Variants in NLGN4X observed in about 807,000 individuals in gnomAD.
NLGN4X encodes neuroligin-4, X-linked.
NLGN4X carries 3 observed loss-of-function variants against 40.3 expected under a neutral mutation model. The observed-to-expected ratio is 0.07, with a 90% CI of 0.03 to 0.19. The LOEUF (loss-of-function observed/expected upper bound fraction) is 0.19. Ranked by LOEUF, NLGN4X falls within the 10% of genes least tolerant of loss-of-function variation. The pLI, the probability that NLGN4X is intolerant of heterozygous loss-of-function variation, is 1.00. For missense variants in NLGN4X, 382 were observed against 708.3 expected (o/e 0.54, Z 5.23); for synonymous variants, 270 against 306.8 (o/e 0.88, Z 1.25).
intron 2 of NLGN4X, among the ~76,000 whole-genome samples, chrX:6,070,253 T>C (rs960061299): frequency 9.0e-6 from 1 of 110,962 alleles, no homozygotes; most frequent in African/African-American, 3.3e-5. Flanking sequence ...TGTTTCCACG[T>C]TAGCAGGTGA....
Position 5,989,085 on chromosome X carries a change from AAAAAAAAT to A in NLGN4X, c.625+40187_625+40194del, listed in dbSNP as rs2035609726. Among the ~76,000 whole-genome samples the A allele has an allele frequency of 6.5e-5, 6 of 92,984 alleles. No homozygotes were observed. In the South Asian group the frequency reaches 2.8e-3, roughly 43 times the overall value. 80.7% of individuals were successfully genotyped at this position (92,984 alleles called of 115,157 possible). ...TCTGTCTCAAAAAAATAAAAAAAATAAAAAAAATAAAAAAAAAAATAAAAAAGAGTTAG... is the reference window on the plus strand; with the variant it reads ...TCTGTCTCAAAAAAATAAAAAAAATAAAAAAAAAAAATAAAAAAGAGTTAG... On this transcript the variant is annotated intron_variant, in intron 3 of 5. Coordinates refer to ENST00000381095, the MANE Select transcript of NLGN4X (RefSeq NM_181332.3).
At chrX:6,187,979 A>C (rs1034485151) in intron 1 of NLGN4X, among the ~76,000 whole-genome samples, 1 of 112,464 alleles carries the variant, frequency 8.9e-6, no homozygotes, top group Non-Finnish European at 1.9e-5. Context: ...ATAAACAACA[A>C]AATATATTTA....
chrX:6,114,136 A>G (rs1003860046), intron 2 of NLGN4X, among the ~76,000 whole-genome samples: 3 of 111,516 alleles, frequency 2.7e-5, no homozygotes, highest in Non-Finnish European at 5.6e-5. Context: ...TGTTAAACCA[A>G]TAAGTCTTAA....
intron 3 of NLGN4X, among the ~76,000 whole-genome samples, chrX:6,027,652 GAA>G (rs34369385): frequency 1.0e-5 from 1 of 99,487 alleles, no homozygotes; most frequent in Non-Finnish European, 2.0e-5. Flanking sequence ...TTTCACATAG[GAA>G]AAAAAAAAAC....
At chrX:6,187,481 A>C (rs1009103138) in intron 1 of NLGN4X, 4 of 111,589 alleles carry the variant, frequency 3.6e-5, no homozygotes, top group African/African-American at 1.3e-4. Flanking sequence ...ACATTTCCGC[A>C]CCCGATGCCC....
intron 2 of NLGN4X, among the ~76,000 whole-genome samples, chrX:6,038,612 C>T (rs1468374847): frequency 1.8e-5 from 2 of 112,527 alleles, no homozygotes; most frequent in African/African-American, 6.5e-5. Context: ...CCATAGCTGA[C>T]CTATGGCTTC....
chrX:6,059,279 C>G (rs2037712131), intron 2 of NLGN4X, among the ~76,000 whole-genome samples: 1 of 111,783 alleles, frequency 8.9e-6, no homozygotes, highest in Non-Finnish European at 1.9e-5. Context: ...GTAAGAGAAG[C>G]GAAGCCAAAC....
At chrX:6,212,682 C>T (rs922617377) in intron 1 of NLGN4X, among the ~76,000 whole-genome samples, 1 of 112,014 alleles carries the variant, frequency 8.9e-6, no homozygotes, top group Non-Finnish European at 1.9e-5. Flanking sequence ...AATGTTTGCC[C>T]ATCCACTGAG....
intron 3 of NLGN4X, among the ~76,000 whole-genome samples, chrX:6,012,693 A>G (rs923840361): frequency 9.0e-6 from 1 of 111,303 alleles, no homozygotes; most frequent in Non-Finnish European, 1.9e-5. Flanking sequence ...CCTAAATCCA[A>G]TGACTGGTAT....
chrX:5,939,505 A>G (rs754011223), intron 3 of NLGN4X, among the ~76,000 whole-genome samples: 6 of 111,405 alleles, frequency 5.4e-5, no homozygotes, highest in Non-Finnish European at 1.1e-4. Flanking sequence ...AATTGGCTGA[A>G]TTACTATATT....
intron 3 of NLGN4X, among the ~76,000 whole-genome samples, chrX:5,961,448 T>A (rs1366237996): frequency 8.9e-6 from 1 of 112,317 alleles, no homozygotes; most frequent in Non-Finnish European, 1.9e-5. Flanking sequence ...TTTGCCTTCA[T>A]CGACATGCTA....
At chrX:6,115,183 T>C (rs7061982) in intron 2 of NLGN4X, among the ~76,000 whole-genome samples, 4,544 of 111,607 alleles carry the variant, frequency 0.041, 256 homozygotes, top group African/African-American at 0.14. Context: ...AATATGGTTG[T>C]AGGTGGGCCA....
chrX:6,165,584 C>T (rs997189762), intron 1 of NLGN4X, among the ~76,000 whole-genome samples: 3 of 111,777 alleles, frequency 2.7e-5, no homozygotes, highest in Non-Finnish European at 5.6e-5. Context: ...TTCTAATCTG[C>T]CAGATTCTTC....
chrX:5,931,296 G>T (rs1042345393), intron 3 of NLGN4X, among the ~76,000 whole-genome samples: 1 of 112,168 alleles, frequency 8.9e-6, no homozygotes, highest in Non-Finnish European at 1.9e-5. Flanking sequence ...TATGATATAC[G>T]CTGATAAATG....
In NLGN4X at chrX:5,999,772, C is replaced by A. The variant is rs776554427; in HGVS notation, c.625+29508G>T. ...ATTAGATTTGCACTATTATCGCTGG[C>A]TAGCTCTTGGGGAATTTCAGACCCT... On this transcript the variant is annotated intron_variant, in intron 3 of 5. Coordinates refer to ENST00000381095, the MANE Select transcript of NLGN4X (RefSeq NM_181332.3). Among the ~76,000 whole-genome samples the A allele has an allele frequency of 5.9e-4, 66 of 112,173 alleles. 1 individual carries two copies. Among genetic ancestry groups the A allele is most frequent in the Admixed American group, 1.9e-4 (2 of 10,570 alleles).
rs398124364 is a variant in NLGN4X, at chrX:5,903,244, G to A, written c.1434C>T (p.Ser478=). ...YFYAFYHHCQ[S]EMKPSWADSA... ...AATCTGCCCAGCTGGGCTTCATTTC[G>A]CTTTGGCAGTGATGATAGAAGGCAT... is the stretch of plus-strand genomic sequence containing the variant. The change falls in exon 5 of 6, where the codon AGC becomes AGT. Residue 478 remains serine (S), a synonymous_variant. Coordinates refer to ENST00000381095, the MANE Select transcript of NLGN4X (RefSeq NM_181332.3). 39 of 1,210,400 alleles carry A rather than the reference G, an allele frequency of 3.2e-5. No homozygotes were observed. Among genetic ancestry groups the A allele is most frequent in the Admixed American group, 1.1e-4 (5 of 45,880 alleles).
chrX:6,048,156 C>T (rs769126165), intron 2 of NLGN4X, among the ~76,000 whole-genome samples: 16 of 111,683 alleles, frequency 1.4e-4, no homozygotes, highest in Non-Finnish European at 2.4e-4. Context: ...GCTACAAACA[C>T]GCACAATTTC....
At chrX:6,166,380 A>G (rs2040496218) in intron 1 of NLGN4X, among the ~76,000 whole-genome samples, 1 of 112,153 alleles carries the variant, frequency 8.9e-6, no homozygotes, top group Non-Finnish European at 1.9e-5. Flanking sequence ...TACAGGCATG[A>G]GCCACTGCAC....
intron 2 of NLGN4X, among the ~76,000 whole-genome samples, chrX:6,056,956 T>C (rs756039535): frequency 1.5e-3 from 170 of 112,003 alleles, no homozygotes; most frequent in African/African-American, 5.3e-3. Flanking sequence ...ACACATTCCC[T>C]AGCTCCTGGG....
Sources: gnomAD v4.1 joint callset for allele counts (sites outside exome capture counted in the v4.1 genomes callset) on GRCh38, gnomAD v4.1.1 for gene constraint, MANE v1.5 for transcripts, NCBI Gene and HGNC (gene_info 2026-07-23, HGNC 2026-07-21) for gene names.